Variants in ASXL3 observed in about 807,000 individuals in gnomAD.
ASXL3 encodes putative Polycomb group protein ASXL3.
Under a neutral mutation model 170.6 loss-of-function variants are expected in ASXL3, and 34 were observed. The ratio of observed to expected loss-of-function variants is 0.20; its 90% CI spans 0.15 to 0.27. The LOEUF is 0.27. ASXL3 is among the 10% of genes least tolerant of loss of function. The pLI, the probability that ASXL3 is intolerant of heterozygous loss-of-function variation, is 1.00. For missense variants in ASXL3, 2,592 were observed against 2,695.3 expected, an observed-to-expected ratio of 0.96 and a Z score of 0.85; for synonymous variants, 1,002 against 989.1, an observed-to-expected ratio of 1.01 and a Z score of -0.24.
chr18:33,704,999 CAGGAA>C (rs1178184737), intron 8 of ASXL3, among the ~76,000 whole-genome samples: 2 of 151,480 alleles, frequency 1.3e-5, no homozygotes, highest in Non-Finnish European at 3.0e-5. Flanking sequence ...ATTCTATTGA[CAGGAA>C]AGGAAAGAAG....
chr18:33,678,032 G>A (rs1007760390), intron 7 of ASXL3, among the ~76,000 whole-genome samples: 16 of 151,954 alleles, frequency 1.1e-4, no homozygotes, highest in Non-Finnish European at 1.9e-4. Flanking sequence ...TGGGACTACA[G>A]GCATGCGCCA....
chr18:33,645,509 G>T (rs1055275511), intron 3 of ASXL3, among the ~76,000 whole-genome samples: 14 of 151,834 alleles, frequency 9.2e-5, no homozygotes, highest in African/African-American at 3.4e-4. Flanking sequence ...GAAGAAGAGA[G>T]AAATAAAAGC....
rs1405917008 is a variant in ASXL3 at position 33,644,891 on chromosome 18, T to C, written c.138-3T>C. ...TTCATTTTTGCACACTTTTATTTTCTAGTGGAACCTCTCCATTAGCCTGTC... is the reference window on the plus strand; with the variant it reads ...TTCATTTTTGCACACTTTTATTTTCCAGTGGAACCTCTCCATTAGCCTGTC... On this transcript the variant is annotated splice_polypyrimidine_tract_variant and splice_region_variant and intron_variant, in intron 2 of 11. Coordinates refer to ENST00000269197, the MANE Select transcript of ASXL3 (RefSeq NM_030632.3). The C allele has an allele frequency of 1.3e-6, 2 of 1,546,370 alleles. No individual in the cohort carries two copies. Among genetic ancestry groups the C allele is most frequent in the African/African-American group, 1.4e-5 (1 of 73,410 alleles).
chr18:33,610,740 C>A (rs1036083985), intron 2 of ASXL3, among the ~76,000 whole-genome samples: 1 of 152,008 alleles, frequency 6.6e-6, no homozygotes, highest in African/African-American at 2.4e-5. Context: ...TGCTTAGTAA[C>A]AACTTCGGCT....
chr18:33,683,441 T>C lies in ASXL3; in HGVS notation c.752T>C (p.Ile251Thr), dbSNP rs780645067. ...TGGACCAAAGCTGAGGACATTGACA[T>C]AGAAACCCCAGGATCTATTCTTGTC... ...LKWTKAEDID[I>T]ETPGSILVNT... The change falls in exon 8 of 12, where the codon ATA becomes ACA. Residue 251 changes from isoleucine (I) to threonine (T), a missense_variant. This residue lies in a region of ASXL3 where 73 missense variants were observed against 142.7 expected (regional missense o/e 0.51). Coordinates refer to ENST00000269197, the MANE Select transcript of ASXL3 (RefSeq NM_030632.3). 6.2e-7 allele frequency: 1 copy of C among 1,613,520 alleles called. No individual in the cohort carries two copies. The highest frequency in any genetic ancestry group is 1.3e-5 in the African/African-American group (1 of 75,042).
chr18:33,713,810 T>C (rs962342781), intron 8 of ASXL3, among the ~76,000 whole-genome samples: 4 of 152,216 alleles, frequency 2.6e-5, no homozygotes, highest in Non-Finnish European at 4.4e-5. Context: ...TTCCATAACA[T>C]AATTTTCCGT....
intron 2 of ASXL3, among the ~76,000 whole-genome samples, chr18:33,643,815 T>A (rs1300832752): frequency 6.6e-6 from 1 of 151,874 alleles, no homozygotes; most frequent in Non-Finnish European, 1.5e-5. Context: ...AAGCTTCATA[T>A]CCTAAAGGCT....
chr18:33,706,307 G>C (rs1376752876), intron 8 of ASXL3, among the ~76,000 whole-genome samples: 1 of 151,584 alleles, frequency 6.6e-6, no homozygotes, highest in Non-Finnish European at 1.5e-5. Flanking sequence ...TGCTTCCATG[G>C]ACATTTCAGT....
At chr18:33,594,148 C>T (rs1322139518) in intron 1 of ASXL3, among the ~76,000 whole-genome samples, 1 of 151,992 alleles carries the variant, frequency 6.6e-6, no homozygotes, top group South Asian at 2.1e-4. Context: ...TGCAGTTGAC[C>T]GAATATAAGA....
intron 2 of ASXL3, among the ~76,000 whole-genome samples, chr18:33,612,739 G>A (rs1390991785): frequency 3.9e-5 from 6 of 152,164 alleles, no homozygotes; most frequent in Admixed American, 2.0e-4. Flanking sequence ...TGAGATTTAC[G>A]TTGCTAATTA....
chr18:33,743,124 G>C lies in ASXL3; in HGVS notation c.3276G>C (p.Glu1092Asp), dbSNP rs1454638422. The change falls in exon 12 of 12, where the codon GAG becomes GAC. Residue 1092 changes from glutamate (E) to aspartate (D), a missense_variant. Glu to Asp is a conservative substitution (Grantham distance 45). This residue lies in a region of ASXL3 where 2,246 missense variants were observed against 2,219.6 expected (regional missense o/e 1.01). Coordinates refer to ENST00000269197, the MANE Select transcript of ASXL3 (RefSeq NM_030632.3). The part of the protein sequence containing the change: ...IVSGAMGSPG[E>D]GGKTRTLAHI... ...CTGGAGCCATGGGAAGTCCAGGAGA[G>C]GGTGGAAAGACGAGAACTCTGGCAC... 1.9e-6 allele frequency: 3 copies of C among 1,613,842 alleles called. 1 individual carries two copies. The South Asian group carries it at 3.3e-5, about 18-fold the overall frequency.
intron 7 of ASXL3, among the ~76,000 whole-genome samples, chr18:33,681,766 T>C (rs1337495673): frequency 6.6e-6 from 1 of 151,926 alleles, no homozygotes; most frequent in African/African-American, 2.4e-5. Context: ...CTGCAATCTG[T>C]GTTTTTTTTA....
At chr18:33,725,847 C>A (rs940902098) in intron 8 of ASXL3, among the ~76,000 whole-genome samples, 1 of 152,162 alleles carries the variant, frequency 6.6e-6, no homozygotes, top group African/African-American at 2.4e-5. Flanking sequence ...TCTTTCTCAG[C>A]CCCAGTGATC....
In ASXL3 at chr18:33,740,126, A is replaced by G. The variant is rs1453076155; in HGVS notation, c.2722A>G (p.Ile908Val). ...PSAKLQDKQY[I>V]SSVDKAPFSE... ...TGCTAAATTACAGGACAAGCAATATATCTCATCAGTGGATAAGGCTCCATT... is the reference window on the plus strand; with the variant it reads ...TGCTAAATTACAGGACAAGCAATATGTCTCATCAGTGGATAAGGCTCCATT... Residue 908 changes from isoleucine (I) to valine (V), a missense_variant, in exon 11 of 12, where the codon ATC becomes GTC. Around this residue, in one of 4 missense-constraint regions of ASXL3, gnomAD observed 2,246 missense variants for 2,219.6 expected, o/e 1.01. Coordinates refer to ENST00000269197, the MANE Select transcript of ASXL3 (RefSeq NM_030632.3). 2.5e-6 allele frequency: 4 copies of G among 1,613,952 alleles called. No homozygotes were observed. The highest frequency in any genetic ancestry group is 4.5e-5 in the East Asian group (2 of 44,884).
At chr18:33,651,044 G>A (rs1418097430) in intron 4 of ASXL3, among the ~76,000 whole-genome samples, 3 of 152,072 alleles carry the variant, frequency 2.0e-5, no homozygotes, top group Non-Finnish European at 2.9e-5. Flanking sequence ...GACACCAAAG[G>A]CCAGACTCTC....
chr18:33,590,597 T>G (rs940892702), intron 1 of ASXL3, among the ~76,000 whole-genome samples: 3 of 152,214 alleles, frequency 2.0e-5, no homozygotes, highest in Non-Finnish European at 4.4e-5. Context: ...CCTTAAGTGT[T>G]CTAATGTAGG....
At chr18:33,629,756 A>G (rs964868931) in intron 2 of ASXL3, among the ~76,000 whole-genome samples, 1 of 152,112 alleles carries the variant, frequency 6.6e-6, no homozygotes, top group African/African-American at 2.4e-5. Flanking sequence ...CTCATGGGTA[A>G]TCAAAACGCA....
intron 8 of ASXL3, among the ~76,000 whole-genome samples, chr18:33,713,818 C>T (rs574002057): frequency 8.2e-4 from 125 of 152,214 alleles, no homozygotes; most frequent in African/African-American, 2.8e-3. Flanking sequence ...CATAATTTTC[C>T]GTGAACAACC....
chr18:33,589,102 C>G (rs376040770), intron 1 of ASXL3, among the ~76,000 whole-genome samples: 22 of 152,162 alleles, frequency 1.4e-4, no homozygotes, highest in Admixed American at 4.6e-4. Context: ...AATGATGGTC[C>G]TAAGAGTCAG....
Sources: allele counts gnomAD v4.1 joint callset (sites outside exome capture counted in the v4.1 genomes callset), GRCh38; gene constraint gnomAD v4.1.1; regional missense constraint gnomAD v4.1.1; transcripts MANE v1.5; gene names NCBI Gene and HGNC (gene_info 2026-07-23, HGNC 2026-07-21).